The following GALNT13 variants were observed in gnomAD, a reference collection of about 807,000 sequenced individuals.
The protein encoded by GALNT13 is UDP-GalNAc:polypeptide N-acetylgalactosaminyltransferase 13.
Under a neutral mutation model 64.2 loss-of-function variants are expected in GALNT13, and 28 were observed. That is an observed-to-expected ratio of 0.44 (90% CI 0.32 to 0.60). The LOEUF is 0.60. Among genes scored for constraint, GALNT13 ranks in the 20% least tolerant of loss-of-function variants. The pLI, the probability that GALNT13 is intolerant of heterozygous loss-of-function variation, is 0.05. For synonymous variants in GALNT13, 214 were observed against 224.6 expected (o/e 0.95, Z 0.42); for missense variants, 577 against 669.8 (o/e 0.86, Z 1.53).
rs116036717 is a variant in GALNT13 at position 154,253,299 on chromosome 2, G to A, written c.858-5722G>A. Among the ~76,000 whole-genome samples the A allele has an allele frequency of 3.4e-3, 512 of 152,194 alleles. 4 individuals carry two copies. The highest frequency in any genetic ancestry group is 0.012 in the African/African-American group (492 of 41,526). The stretch of plus-strand genomic sequence containing the variant: ...CTATACAGGGTGATTATCACAGCGT[G>A]AAATACAGGATATATTGTCTTCTTG... On this transcript the variant is annotated intron_variant, in intron 7 of 12. Transcript: ENST00000392825.
chr2:153,613,220 C>T, the GALNT13 span, among the ~76,000 whole-genome samples: 44 of 152,088 alleles, frequency 2.9e-4, 1 homozygote, highest in South Asian at 8.7e-3. Flanking sequence ...AGAATCAGTG[C>T]ATATTTAAGA....
chr2:153,234,175 A>T, the GALNT13 span, among the ~76,000 whole-genome samples: 2 of 152,126 alleles, frequency 1.3e-5, no homozygotes, highest in African/African-American at 4.8e-5. Flanking sequence ...GGTTTGCTTG[A>T]TTTGAGAAGG....
At chr2:153,468,455 A>T in the GALNT13 span, among the ~76,000 whole-genome samples, 1 of 152,146 alleles carries the variant, frequency 6.6e-6, no homozygotes, top group East Asian at 1.9e-4. Flanking sequence ...CATCTCATAT[A>T]ACATACAGAT....
chr2:153,609,436 CT>C, the GALNT13 span, among the ~76,000 whole-genome samples: 1 of 152,190 alleles, frequency 6.6e-6, no homozygotes, highest in South Asian at 2.1e-4. Context: ...CCTGCCACCC[CT>C]GTTGACTTCC....
intron 9 of GALNT13, among the ~76,000 whole-genome samples, chr2:154,383,195 G>A (rs1014791471): frequency 3.3e-4 from 50 of 151,920 alleles, no homozygotes; most frequent in Admixed American, 3.3e-3. Context: ...AGGAGATGAT[G>A]TACCTCCTGA....
chr2:153,442,848 AG>A, the GALNT13 span, among the ~76,000 whole-genome samples: 1 of 152,112 alleles, frequency 6.6e-6, no homozygotes, highest in South Asian at 2.1e-4. Context: ...TTGCACTGTG[AG>A]GGGAAAACCG....
the GALNT13 span, among the ~76,000 whole-genome samples, chr2:153,198,591 T>A: frequency 6.6e-6 from 1 of 152,240 alleles, no homozygotes; most frequent in East Asian, 1.9e-4. Context: ...GTGCCTCTAG[T>A]CAGCCATCTG....
chr2:153,670,844 A>G, the GALNT13 span, among the ~76,000 whole-genome samples: 1 of 152,232 alleles, frequency 6.6e-6, no homozygotes, highest in Non-Finnish European at 1.5e-5. Context: ...TAACCAGTGC[A>G]GAGAAGAGCT....
At chr2:153,816,697 CTACTTT>C in the GALNT13 span, among the ~76,000 whole-genome samples, 1 of 152,110 alleles carries the variant, frequency 6.6e-6, no homozygotes, top group Non-Finnish European at 1.5e-5. Context: ...TAGAAGGCTG[CTACTTT>C]TGAGTAGGAT....
chr2:154,373,368 C>G (rs569235742), intron 9 of GALNT13, among the ~76,000 whole-genome samples: 1 of 152,074 alleles, frequency 6.6e-6, no homozygotes, highest in African/African-American at 2.4e-5. Flanking sequence ...CATAATGGCA[C>G]CAGAATTTTC....
At chr2:153,362,629 C>A in the GALNT13 span, among the ~76,000 whole-genome samples, 1 of 141,062 alleles carries the variant, frequency 7.1e-6, no homozygotes, top group Non-Finnish European at 1.5e-5. Flanking sequence ...CAACAAAGAT[C>A]AAAAAAGACG....
Position 154,242,839 on chromosome 2 carries a change from T to TTGA in GALNT13, c.623_625dup (p.Asp208dup). 3.1e-6 allele frequency: 5 copies of TTGA among 1,614,194 alleles called. No individual in the cohort carries two copies. Among genetic ancestry groups the TTGA allele is most frequent in the Non-Finnish European group, 4.2e-6 (5 of 1,180,022 alleles). On this transcript the variant is annotated inframe_insertion, in exon 6 of 13. Transcript: ENST00000392825. ...TCAAAAGGGCAGGTCATAACTTTTC[T>TTGA]TGATGCACACTGTGAATGCACGTTA...
chr2:153,264,993 G>T, the GALNT13 span, among the ~76,000 whole-genome samples: 1 of 152,206 alleles, frequency 6.6e-6, no homozygotes, highest in African/African-American at 2.4e-5. Flanking sequence ...GGATGGGGTT[G>T]TCAGGATTCT....
intron 3 of GALNT13, among the ~76,000 whole-genome samples, chr2:153,963,184 G>A (rs1224071066): frequency 1.3e-5 from 2 of 152,134 alleles, no homozygotes; most frequent in African/African-American, 2.4e-5. Flanking sequence ...AATCCTATTA[G>A]TAGTGGCATT....
At chr2:154,134,002 C>T (rs1682801208) in intron 3 of GALNT13, among the ~76,000 whole-genome samples, 1 of 151,938 alleles carries the variant, frequency 6.6e-6, no homozygotes, top group Non-Finnish European at 1.5e-5. Flanking sequence ...ACATGGCTTC[C>T]AAAGTTGCTA....
rs142555771 is a variant in GALNT13, at chr2:154,102,976, A to T, written c.143-37361A>T. On this transcript the variant is annotated intron_variant, in intron 3 of 12. Coordinates refer to ENST00000392825, the MANE Select transcript of GALNT13 (RefSeq NM_052917.4). Reference sequence around the variant, plus strand: ...TGTTTGCTTTGGTTTTCCATTTCTGATTATTGCCTTGTTGATGTTTCTTTT... The same window carrying T: ...TGTTTGCTTTGGTTTTCCATTTCTGTTTATTGCCTTGTTGATGTTTCTTTT... Among the ~76,000 whole-genome samples, 2 of 151,708 alleles carry T rather than the reference A, an allele frequency of 1.3e-5. 1 individual carries two copies. Among genetic ancestry groups the T allele is most frequent in the South Asian group, 4.2e-4 (2 of 4,808 alleles).
chr2:154,076,453 CAG>C (rs1700992657), intron 3 of GALNT13, among the ~76,000 whole-genome samples: 1 of 151,634 alleles, frequency 6.6e-6, no homozygotes, highest in African/African-American at 2.4e-5. Flanking sequence ...AACTGAGATA[CAG>C]AGAGTTTGAG....
chr2:153,939,849 T>C (rs1274205785), intron 2 of GALNT13, among the ~76,000 whole-genome samples: 1 of 152,232 alleles, frequency 6.6e-6, no homozygotes, highest in East Asian at 1.9e-4. Context: ...AGGTAACTAC[T>C]ATTCGCATTT....
At chr2:154,154,798 T>C (rs1684301629) in intron 4 of GALNT13, among the ~76,000 whole-genome samples, 1 of 152,112 alleles carries the variant, frequency 6.6e-6, no homozygotes, top group Non-Finnish European at 1.5e-5. Context: ...GAACTGTAAG[T>C]AAAAATTATC....
Sources: gnomAD v4.1 joint callset for allele counts (sites outside exome capture counted in the v4.1 genomes callset) on GRCh38, gnomAD v4.1.1 for gene constraint, MANE v1.5 for transcripts, NCBI Gene and HGNC (gene_info 2026-07-23, HGNC 2026-07-21) for gene names.